Variants in NRXN1 observed in about 807,000 individuals in gnomAD.
NRXN1 encodes neurexin-1.
In NRXN1, 39 loss-of-function variants were observed where a neutral mutation model predicts 150.9. That is an observed-to-expected ratio of 0.26 (90% CI 0.20 to 0.34). The LOEUF is 0.34. Ranked by LOEUF, NRXN1 falls within the 10% of genes least tolerant of loss-of-function variation. NRXN1 has a pLI of 1.00. For missense variants in NRXN1, 1,815 were observed against 1,949.9 expected (o/e 0.93, Z 1.30); for synonymous variants, 924 against 757.0 (o/e 1.22, Z -3.62).
chr2:50,434,317 C>G (rs1159345011), intron 17 of NRXN1, among the ~76,000 whole-genome samples: 1 of 151,916 alleles, frequency 6.6e-6, no homozygotes, highest in Admixed American at 6.6e-5. Context: ...CTCCTGACCT[C>G]GTGATCCGCC....
chr2:50,880,291 ATTTCT>A (rs1450095620), intron 5 of NRXN1, among the ~76,000 whole-genome samples: 4 of 152,038 alleles, frequency 2.6e-5, no homozygotes, highest in Admixed American at 1.3e-4. Flanking sequence ...ATCTCTTTTG[ATTTCT>A]TTTCTAACCA....
chr2:50,454,713 A>G (rs2087359944), intron 17 of NRXN1, among the ~76,000 whole-genome samples: 1 of 148,116 alleles, frequency 6.8e-6, no homozygotes, highest in East Asian at 2.0e-4. Context: ...CAGTTAATTA[A>G]CGGATCCTCC....
chr2:50,294,905 C>T (rs1030911082), intron 17 of NRXN1, among the ~76,000 whole-genome samples: 3 of 152,048 alleles, frequency 2.0e-5, no homozygotes, highest in Admixed American at 1.3e-4. Context: ...CCCTATCAGT[C>T]GATGGAGGAA....
intron 21 of NRXN1, among the ~76,000 whole-genome samples, chr2:50,033,070 A>T (rs1371362404): frequency 6.6e-6 from 1 of 151,798 alleles, no homozygotes; most frequent in Non-Finnish European, 1.5e-5. Flanking sequence ...TATATATGTT[A>T]TATTTGTCTC....
At chr2:50,937,624 G>A (rs1283130763) in intron 2 of NRXN1, among the ~76,000 whole-genome samples, 15 of 152,036 alleles carry the variant, frequency 9.9e-5, no homozygotes, top group Non-Finnish European at 1.9e-4. Context: ...TTTCTCCATC[G>A]ATTGTTGTTT....
chr2:50,619,965 GGATCTGAAATGAT>G, intron 8 of NRXN1, 44 bp downstream of exon 8: 1 of 1,432,922 alleles, frequency 7.0e-7, no homozygotes, highest in Non-Finnish European at 9.3e-7. Flanking sequence ...CTTTCATGCT[GGATCTGAAATGAT>G]GAGACCATGA....
chr2:50,653,813 T>A (rs1165535060), intron 5 of NRXN1, among the ~76,000 whole-genome samples: 1 of 151,980 alleles, frequency 6.6e-6, no homozygotes, highest in African/African-American at 2.4e-5. Flanking sequence ...TAGGATTCAC[T>A]AAGCTGCGGT....
At chr2:50,616,235 T>G (rs530610343) in intron 8 of NRXN1, 4 of 152,204 alleles carry the variant, frequency 2.6e-5, no homozygotes, top group African/African-American at 9.6e-5. Flanking sequence ...AAGTTCCTTG[T>G]CATTTTAAAC....
chr2:50,652,168 T>C (rs561857742), intron 5 of NRXN1, among the ~76,000 whole-genome samples: 3 of 152,150 alleles, frequency 2.0e-5, no homozygotes, highest in African/African-American at 7.2e-5. Context: ...CTTTTTGAAA[T>C]GTTGTCTTCC....
rs1488942893 is a variant in NRXN1, at chr2:50,107,950, T to C, written c.3547-16456A>G. On this transcript the variant is annotated intron_variant, in intron 18 of 22. Coordinates refer to ENST00000401669, the MANE Select transcript of NRXN1 (RefSeq NM_001330078.2). The stretch of plus-strand genomic sequence containing the variant: ...GCCATTATTACCTTCACTTAATAGG[T>C]AAGGAAACTGAGTCATAAAAATGTC... Among the ~76,000 whole-genome samples, 3 of 151,910 alleles carry C rather than the reference T, an allele frequency of 2.0e-5. No individual in the cohort carries two copies. The East Asian group carries it at 5.8e-4, about 29-fold the overall frequency.
intron 5 of NRXN1, among the ~76,000 whole-genome samples, chr2:50,785,927 G>A (rs905546203): frequency 6.6e-6 from 1 of 152,042 alleles, no homozygotes; most frequent in African/African-American, 2.4e-5. Flanking sequence ...TGGTAGCCAA[G>A]TTTGTTTCTT....
chr2:50,308,236 A>T (rs572553014), intron 17 of NRXN1, among the ~76,000 whole-genome samples: 2 of 152,150 alleles, frequency 1.3e-5, no homozygotes, highest in East Asian at 3.9e-4. Context: ...AATTGTGTAT[A>T]CTTTTACTAA....
At chr2:49,929,713 T>A (rs1669791896) in intron 22 of NRXN1, among the ~76,000 whole-genome samples, 1 of 152,182 alleles carries the variant, frequency 6.6e-6, no homozygotes, top group African/African-American at 2.4e-5. Context: ...AAATGTCCCA[T>A]CTTTTATGAT....
chr2:49,974,289 G>T, intron 21 of NRXN1: 1 of 551,126 alleles, frequency 1.8e-6, no homozygotes. Flanking sequence ...TGCAGTTGAC[G>T]AGGCTGTTGG....
chr2:50,175,076 T>C (rs1399880106), intron 18 of NRXN1: 2 of 152,292 alleles, frequency 1.3e-5, no homozygotes, highest in African/African-American at 2.4e-5. Context: ...AGCCACATAA[T>C]AGTAGGTGTT....
At chr2:50,229,954 A>G (rs916591346) in intron 18 of NRXN1, among the ~76,000 whole-genome samples, 1 of 152,086 alleles carries the variant, frequency 6.6e-6, no homozygotes, top group East Asian at 1.9e-4. Context: ...TGGCTAACTT[A>G]AGAATAGATT....
intron 17 of NRXN1, among the ~76,000 whole-genome samples, chr2:50,364,173 GGC>G (rs1402617818): frequency 2.0e-5 from 3 of 152,174 alleles, no homozygotes; most frequent in Middle Eastern, 3.4e-3. Flanking sequence ...AAACCACCAT[GGC>G]ACATGTTTAC....
chr2:50,000,103 T>C lies in NRXN1; in HGVS notation c.4128+53168A>G, dbSNP rs1002454405. On this transcript the variant is annotated intron_variant, in intron 21 of 22. Transcript: ENST00000401669. ...GCACCTGGGCTGTAAAGTTGCTACATAGTGATAAACTGCTTGTATCCTGAT... is the reference window on the plus strand; with the variant it reads ...GCACCTGGGCTGTAAAGTTGCTACACAGTGATAAACTGCTTGTATCCTGAT... Among the ~76,000 whole-genome samples, 10 of 152,190 alleles carry C rather than the reference T, an allele frequency of 6.6e-5. No individual in the cohort carries two copies. The East Asian group carries it at 1.2e-3, about 18-fold the overall frequency.
intron 2 of NRXN1, among the ~76,000 whole-genome samples, chr2:50,937,008 C>T (rs1688655295): frequency 6.6e-6 from 1 of 152,062 alleles, no homozygotes; most frequent in Non-Finnish European, 1.5e-5. Context: ...GAGCAAGGTG[C>T]CTCTCGTTAC....
Sources: gnomAD v4.1 joint callset for allele counts (sites outside exome capture counted in the v4.1 genomes callset) on GRCh38, gnomAD v4.1.1 for gene constraint, MANE v1.5 for transcripts, NCBI Gene and HGNC (gene_info 2026-07-23, HGNC 2026-07-21) for gene names.